The following RPH3A variants were observed in gnomAD, a reference collection of about 807,000 sequenced individuals.
The protein encoded by RPH3A is rabphilin 3A.
In RPH3A, 48 loss-of-function variants were observed where a neutral mutation model predicts 102.2. That is an observed-to-expected ratio of 0.47 (90% CI 0.37 to 0.60). The LOEUF is 0.60. Ranked by LOEUF, RPH3A falls within the 20% of genes least tolerant of loss-of-function variation. RPH3A has a pLI of 0.00. For synonymous variants in RPH3A, 310 were observed against 324.3 expected, an observed-to-expected ratio of 0.96 and a Z score of 0.47; for missense variants, 781 against 910.1, an observed-to-expected ratio of 0.86 and a Z score of 1.83.
rs139275937 is a variant in RPH3A, at chr12:112,760,481, A to G, written c.-139-31662A>G. Among the ~76,000 whole-genome samples the G allele has an allele frequency of 4.8e-3, 724 of 152,380 alleles. 3 individuals carry two copies. Among genetic ancestry groups the G allele is most frequent in the African/African-American group, 0.016 (648 of 41,602 alleles). On this transcript the variant is annotated intron_variant, in intron 1 of 21. Coordinates refer to the RPH3A transcript ENST00000543106. ...GGTAGGAGAATATCAAATACAGTGC[A>G]GCATGATGCTGGCTCTCATGAAAAG...
intron 1 of RPH3A, among the ~76,000 whole-genome samples, chr12:112,723,496 A>T (rs1016489457): frequency 5.9e-5 from 9 of 152,296 alleles, no homozygotes; most frequent in African/African-American, 1.9e-4. Context: ...TCAATCCAAG[A>T]TACATATCCT....
At chr12:112,624,380 A>G (rs1187351427) in intron 1 of RPH3A, among the ~76,000 whole-genome samples, 2 of 149,884 alleles carry the variant, frequency 1.3e-5, no homozygotes, top group East Asian at 4.0e-4. Flanking sequence ...GGATATCACC[A>G]CCGATCCCAC....
intron 1 of RPH3A, among the ~76,000 whole-genome samples, chr12:112,665,484 C>T (rs1443795644): frequency 6.6e-6 from 1 of 152,160 alleles, no homozygotes; most frequent in Admixed American, 6.5e-5. Flanking sequence ...CCTTCTTATG[C>T]CTCAGTTTCC....
In RPH3A at chr12:112,692,025, G is replaced by A. The variant is rs115845159; in HGVS notation, c.-139-100118G>A. ...GGAATGAAATTCTGTCATTTGAAGT[G>A]AAATGGATGGAACCGGAGGGTACTA... On this transcript the variant is annotated intron_variant, in intron 1 of 21. Transcript: ENST00000543106. Among the ~76,000 whole-genome samples the A allele has an allele frequency of 1.2e-3, 179 of 152,306 alleles. 1 individual carries two copies. The highest frequency in any genetic ancestry group is 4.0e-3 in the African/African-American group (166 of 41,566).
At chr12:112,795,239 C>T (rs1300356379) in intron 2 of RPH3A, among the ~76,000 whole-genome samples, 1 of 152,114 alleles carries the variant, frequency 6.6e-6, no homozygotes, top group Admixed American at 6.5e-5. Flanking sequence ...TGTCTTCTGC[C>T]CTTCACCCTC....
chr12:112,749,486 T>A (rs941365236), intron 1 of RPH3A, among the ~76,000 whole-genome samples: 1 of 152,190 alleles, frequency 6.6e-6, no homozygotes, highest in Admixed American at 6.5e-5. Context: ...CAGAATTACA[T>A]CCCATTTTAA....
rs2042255775 is a variant in RPH3A at position 112,847,814 on chromosome 12, A to G, written c.202A>G (p.Met68Val). 2 of 1,614,182 alleles carry G rather than the reference A, an allele frequency of 1.2e-6. No individual in the cohort carries two copies. Among genetic ancestry groups the G allele is most frequent in the Non-Finnish European group, 1.7e-6 (2 of 1,180,026 alleles). The change falls in exon 5 of 22, where the codon ATG becomes GTG. Residue 68 changes from methionine to valine, a missense_variant. Around this residue, in one of 2 missense-constraint regions of RPH3A, gnomAD observed 730 missense variants for 810.0 expected, o/e 0.90. Coordinates refer to ENST00000389385, the MANE Select transcript of RPH3A (RefSeq NM_001143854.2). ...INRVIARAEKMEEMEQERIGR... is the reference protein window; with the variant it reads ...INRVIARAEKVEEMEQERIGR... ...CAGGGTGATTGCTCGAGCTGAGAAA[A>G]TGGAAGAGATGGAGCAGGAGCGAAT... is the stretch of plus-strand genomic sequence containing the variant.
At chr12:112,736,827 A>AG (rs1183724466) in intron 1 of RPH3A, among the ~76,000 whole-genome samples, 2 of 152,130 alleles carry the variant, frequency 1.3e-5, no homozygotes, top group African/African-American at 4.8e-5. Flanking sequence ...ATCTCTCTTG[A>AG]GGCTCAACAT....
chr12:112,591,245 C>A (rs550782529), intron 1 of RPH3A, among the ~76,000 whole-genome samples: 13 of 151,606 alleles, frequency 8.6e-5, no homozygotes, highest in South Asian at 2.1e-4. Flanking sequence ...GCCACCACAC[C>A]CAGATAATTA....
intron 2 of RPH3A, among the ~76,000 whole-genome samples, chr12:112,797,784 C>T (rs3782880): frequency 0.041 from 6,251 of 152,076 alleles, 194 homozygotes; most frequent in East Asian, 0.17. Context: ...CCTTGAACTC[C>T]TGGGCTCAAG....
intron 4 of RPH3A, among the ~76,000 whole-genome samples, chr12:112,847,485 T>C (rs1431456055): frequency 1.3e-5 from 2 of 152,212 alleles, no homozygotes; most frequent in East Asian, 1.9e-4. Flanking sequence ...GAAAATGTCA[T>C]GGAGTGTCTA....
intron 2 of RPH3A, among the ~76,000 whole-genome samples, chr12:112,810,991 A>T (rs2041564922): frequency 1.3e-5 from 2 of 151,984 alleles, no homozygotes; most frequent in South Asian, 4.1e-4. Flanking sequence ...GTGTGTATAG[A>T]TAAAGAGAGA....
At chr12:112,589,170 G>A (rs1042125880) in intron 1 of RPH3A, among the ~76,000 whole-genome samples, 3 of 151,924 alleles carry the variant, frequency 2.0e-5, no homozygotes, top group Middle Eastern at 3.4e-3. Context: ...GGGGGAAGTG[G>A]GGGCCAACCC....
chr12:112,833,906 T>A (rs528016337), intron 3 of RPH3A, among the ~76,000 whole-genome samples: 13 of 152,150 alleles, frequency 8.5e-5, no homozygotes, highest in Middle Eastern at 3.4e-3. Context: ...AGTTTTTTTT[T>A]AAATAGAGAT....
chr12:112,669,889 G>A (rs758481855), intron 1 of RPH3A, among the ~76,000 whole-genome samples: 1 of 152,072 alleles, frequency 6.6e-6, no homozygotes, highest in Non-Finnish European at 1.5e-5. Context: ...AACAGCAATT[G>A]ATACTTCCTC....
chr12:112,843,885 G>T (rs1481733026), intron 4 of RPH3A, among the ~76,000 whole-genome samples: 1 of 152,078 alleles, frequency 6.6e-6, no homozygotes. Context: ...GGGGCTCTTC[G>T]GGAAGGGTAG....
intron 1 of RPH3A, among the ~76,000 whole-genome samples, chr12:112,607,540 G>A (rs963563090): frequency 1.3e-5 from 2 of 152,148 alleles, no homozygotes; most frequent in Non-Finnish European, 2.9e-5. Context: ...ATGTTAATTG[G>A]AAGACACACT....
At chr12:112,828,493 G>A in intron 3 of RPH3A, 104 bp downstream of exon 3, 1 of 831,380 alleles carries the variant, frequency 1.2e-6, no homozygotes, top group Non-Finnish European at 1.9e-6. Flanking sequence ...CCTGAGGAAG[G>A]GGGAGAGGAA....
chr12:112,672,744 A>C (rs147424483), intron 1 of RPH3A, among the ~76,000 whole-genome samples: 1 of 152,260 alleles, frequency 6.6e-6, no homozygotes, highest in African/African-American at 2.4e-5. Context: ...GACAGATTAC[A>C]TCTCGGGCGA....
Sources: allele counts gnomAD v4.1 joint callset (sites outside exome capture counted in the v4.1 genomes callset), GRCh38; gene constraint gnomAD v4.1.1; regional missense constraint gnomAD v4.1.1; transcripts MANE v1.5; gene names NCBI Gene and HGNC (gene_info 2026-07-23, HGNC 2026-07-21).